Variants in CCSER1 observed in about 807,000 individuals in gnomAD.
CCSER1 encodes the protein coiled-coil serine rich protein 1.
In CCSER1, 41 loss-of-function variants were observed where a neutral mutation model predicts 82.0. The observed-to-expected ratio is 0.50, with a 90% CI of 0.39 to 0.65. CCSER1 has a LOEUF of 0.65. Among genes scored for constraint, CCSER1 ranks in the 30% least tolerant of loss-of-function variants. The probability of loss-of-function intolerance (pLI) is 0.00; values close to 1 mark genes in which losing one functional copy is unlikely to be tolerated. For synonymous variants in CCSER1, 414 were observed against 383.9 expected (o/e 1.08, Z -0.92); for missense variants, 1,119 against 1,064.2 (o/e 1.05, Z -0.72).
chr4:91,152,078 A>C (rs1214595968), intron 10 of CCSER1, among the ~76,000 whole-genome samples: 1 of 152,114 alleles, frequency 6.6e-6, no homozygotes, highest in Non-Finnish European at 1.5e-5. Context: ...GTGGGGTGTT[A>C]AAGTTTCCCA....
chr4:90,424,338 AAAG>A (rs1370721819), intron 4 of CCSER1, among the ~76,000 whole-genome samples: 1 of 152,176 alleles, frequency 6.6e-6, no homozygotes, highest in Non-Finnish European at 1.5e-5. Context: ...TTGTCCATAT[AAAG>A]AATTGTGAAC....
chr4:90,670,513 C>T (rs150607323), intron 6 of CCSER1, among the ~76,000 whole-genome samples: 66 of 151,930 alleles, frequency 4.3e-4, no homozygotes, highest in Admixed American at 2.0e-4. Flanking sequence ...TATTCTTTAT[C>T]GATGTTGGAA....
chr4:91,318,387 T>A (rs533329881), intron 10 of CCSER1, among the ~76,000 whole-genome samples: 1 of 152,102 alleles, frequency 6.6e-6, no homozygotes, highest in East Asian at 1.9e-4. Context: ...ACAACATAAC[T>A]TTTCCTATTA....
At chr4:90,858,800 T>G (rs1477601300) in intron 8 of CCSER1, among the ~76,000 whole-genome samples, 1 of 151,950 alleles carries the variant, frequency 6.6e-6, no homozygotes, top group Non-Finnish European at 1.5e-5. Flanking sequence ...TTTATACTTT[T>G]TACTTAGGAA....
chr4:91,463,763 GA>G (rs1209794138), intron 10 of CCSER1, among the ~76,000 whole-genome samples: 1 of 152,132 alleles, frequency 6.6e-6, no homozygotes, highest in African/African-American at 2.4e-5. Context: ...AGTGATTGAA[GA>G]TCAAATGAAT....
intron 1 of CCSER1, among the ~76,000 whole-genome samples, chr4:90,214,014 A>C (rs771469420): frequency 2.0e-5 from 3 of 152,184 alleles, no homozygotes; most frequent in Non-Finnish European, 4.4e-5. Flanking sequence ...TTTAAGGTTA[A>C]TACATTATGT....
intron 10 of CCSER1, among the ~76,000 whole-genome samples, chr4:91,201,915 GT>G (rs1264775738): frequency 6.6e-6 from 1 of 151,908 alleles, no homozygotes; most frequent in Admixed American, 6.6e-5. Flanking sequence ...GGCCATTATG[GT>G]TTATCAAATC....
In CCSER1 at chr4:91,419,942, C is replaced by A. The variant is rs141745547; in HGVS notation, c.2218-178630C>A. ...CTTTGACAAGAGCACCAAGAATACA[C>A]GTTAGGAAAGATGAGTTTCTTCAAT... On this transcript the variant is annotated intron_variant, in intron 10 of 10. Transcript: ENST00000509176. 2.0e-5 allele frequency among the ~76,000 whole-genome samples: 3 copies of A among 152,052 alleles called. No individual in the cohort carries two copies. In the East Asian group the frequency reaches 5.8e-4, roughly 29 times the overall value.
At chr4:90,432,050 C>A (rs1471430634) in intron 4 of CCSER1, among the ~76,000 whole-genome samples, 1 of 152,082 alleles carries the variant, frequency 6.6e-6, no homozygotes. Context: ...GTCTAGAAAT[C>A]TTGGGTAGTG....
At chr4:91,431,571 G>GA (rs1754322414) in intron 10 of CCSER1, among the ~76,000 whole-genome samples, 1 of 151,936 alleles carries the variant, frequency 6.6e-6, no homozygotes, top group Admixed American at 6.6e-5. Flanking sequence ...AGGTTCAAGC[G>GA]ATTCTCCTGC....
intron 10 of CCSER1, among the ~76,000 whole-genome samples, chr4:91,539,547 T>G (rs1423864953): frequency 1.3e-5 from 2 of 152,096 alleles, no homozygotes; most frequent in Non-Finnish European, 2.9e-5. Context: ...AATAAATATT[T>G]GCTGAATTTG....
intron 1 of CCSER1, among the ~76,000 whole-genome samples, chr4:90,160,046 T>G (rs534728277): frequency 2.0e-4 from 30 of 152,218 alleles, no homozygotes; most frequent in African/African-American, 6.3e-4. Context: ...TTTTACAGAT[T>G]GGAAAATTTA....
intron 1 of CCSER1, among the ~76,000 whole-genome samples, chr4:90,268,125 C>A (rs1463691501): frequency 1.3e-5 from 2 of 152,074 alleles, no homozygotes; most frequent in Non-Finnish European, 2.9e-5. Flanking sequence ...TCATTAATAC[C>A]AGATCTGTTG....
intron 1 of CCSER1, among the ~76,000 whole-genome samples, chr4:90,251,716 T>A (rs999750567): frequency 6.6e-6 from 1 of 151,764 alleles, no homozygotes; most frequent in Non-Finnish European, 1.5e-5. Flanking sequence ...TTACTCTGAG[T>A]CAATTTTGGT....
At chr4:90,139,598 C>T (rs1724357123) in intron 1 of CCSER1, among the ~76,000 whole-genome samples, 1 of 151,806 alleles carries the variant, frequency 6.6e-6, no homozygotes, top group South Asian at 2.1e-4. Flanking sequence ...AATTTTTTTC[C>T]TTGAGAACAC....
At chr4:91,481,343 C>T (rs1046051416) in intron 10 of CCSER1, among the ~76,000 whole-genome samples, 3 of 151,964 alleles carry the variant, frequency 2.0e-5, no homozygotes, top group African/African-American at 4.8e-5. Context: ...TTGTAGATGG[C>T]TATCTTCTCT....
Position 91,116,247 on chromosome 4 carries a change from A to G in CCSER1, c.2217+30253A>G, listed in dbSNP as rs535118123. ...ACCATGGAATACTATGCAGCCATAA[A>G]AAATGACGAGTTCATGTCCTTTGTA... is the stretch of plus-strand genomic sequence containing the variant. On this transcript the variant is annotated intron_variant, in intron 10 of 10. Coordinates refer to ENST00000509176, the MANE Select transcript of CCSER1 (RefSeq NM_001145065.2). Among the ~76,000 whole-genome samples, 172 of 152,320 alleles carry G rather than the reference A, an allele frequency of 1.1e-3. 3 individuals are homozygous for G. In the South Asian group the frequency reaches 0.033, roughly 29 times the overall value.
chr4:90,129,022 C>A (rs1367070071), intron 1 of CCSER1, among the ~76,000 whole-genome samples: 1 of 152,128 alleles, frequency 6.6e-6, no homozygotes, highest in Non-Finnish European at 1.5e-5. Flanking sequence ...CCCCTCTTAC[C>A]TTTTCAGGCA....
chr4:91,273,491 C>A (rs906481273), intron 10 of CCSER1, among the ~76,000 whole-genome samples: 7 of 152,064 alleles, frequency 4.6e-5, no homozygotes, highest in African/African-American at 1.7e-4. Flanking sequence ...TTTATCAGTT[C>A]TAGGAGTTTT....
Sources: gnomAD v4.1 joint callset for allele counts (sites outside exome capture counted in the v4.1 genomes callset) on GRCh38, gnomAD v4.1.1 for gene constraint, MANE v1.5 for transcripts, NCBI Gene and HGNC (gene_info 2026-07-23, HGNC 2026-07-21) for gene names.